Variants in RPE observed in about 807,000 individuals in gnomAD.
The protein encoded by RPE is ribulose-5-phosphate-3-epimerase, also known as ribulose-phosphate 3-epimerase.
RPE carries 16 observed loss-of-function variants against 24.6 expected under a neutral mutation model. That is an observed-to-expected ratio of 0.65 (90% CI 0.44 to 0.99). The LOEUF (loss-of-function observed/expected upper bound fraction) is 0.99, where lower values mean the gene tolerates loss of function less well. RPE is among the 50% of genes least tolerant of loss of function. RPE has a pLI of 0.00. For synonymous variants in RPE, 93 were observed against 98.4 expected (o/e 0.94, Z 0.33); for missense variants, 240 against 294.5 (o/e 0.81, Z 1.35).
chr2:210,007,965 C>T (rs1462172822), intron 1 of RPE, among the ~76,000 whole-genome samples: 1 of 152,158 alleles, frequency 6.6e-6, no homozygotes, highest in Non-Finnish European at 1.5e-5. Context: ...TCTCCTTAAC[C>T]TTCTGAGCTC....
Position 210,007,577 on chromosome 2 carries a change from A to T in RPE, c.123-2080A>T, listed in dbSNP as rs549314668. Reference sequence around the variant, plus strand: ...TTTTTACACTAGCCAAAGTTGGTCAATACCACTCTCCACGTCTTTGACTGT... The same window carrying T: ...TTTTTACACTAGCCAAAGTTGGTCATTACCACTCTCCACGTCTTTGACTGT... On this transcript the variant is annotated intron_variant, in intron 1 of 5. Coordinates refer to ENST00000359429, the MANE Select transcript of RPE (RefSeq NM_199229.3). Among the ~76,000 whole-genome samples, 13 of 152,326 alleles carry T rather than the reference A, an allele frequency of 8.5e-5. No individual in the cohort carries two copies. In the South Asian group the frequency reaches 2.7e-3, roughly 32 times the overall value.
At chr2:210,018,536 TA>T in intron 5 of RPE, 1 of 985,248 alleles carries the variant, frequency 1.0e-6, no homozygotes, top group Non-Finnish European at 1.2e-6. Context: ...CAGGTTCTTG[TA>T]TAACTGCCAC....
chr2:210,016,315 CT>C, intron 3 of RPE, 191 bp from the exon 4 acceptor site: 1 of 1,594,850 alleles, frequency 6.3e-7, no homozygotes, highest in East Asian at 2.2e-5. Flanking sequence ...GATTTAACTT[CT>C]TTGTCACATA....
At chr2:210,008,214 C>T (rs147364983) in intron 1 of RPE, among the ~76,000 whole-genome samples, 10 of 151,878 alleles carry the variant, frequency 6.6e-5, no homozygotes, top group African/African-American at 1.9e-4. Flanking sequence ...GGAACTGTAG[C>T]GTATTTCCTT....
chr2:210,016,187 C>G (rs976081624), intron 3 of RPE, 75 bp downstream of exon 3: 1 of 1,613,640 alleles, frequency 6.2e-7, no homozygotes, highest in Admixed American at 1.7e-5. Flanking sequence ...AGGAAATTTT[C>G]TCTTTTTTTG....
At chr2:210,010,373 C>T (rs1442769175) in intron 2 of RPE, among the ~76,000 whole-genome samples, 1 of 152,144 alleles carries the variant, frequency 6.6e-6, no homozygotes, top group African/African-American at 2.4e-5. Flanking sequence ...TCTCACCTGC[C>T]AGATCTCTTA....
intron 1 of RPE, among the ~76,000 whole-genome samples, chr2:210,006,268 G>A (rs1219650103): frequency 6.6e-6 from 1 of 152,160 alleles, no homozygotes; most frequent in East Asian, 1.9e-4. Flanking sequence ...GGTCCTCTTT[G>A]GAGTCAGTAG....
chr2:210,009,622 A>G, intron 1 of RPE, 35 bp from the exon 2 acceptor site: 1 of 1,613,672 alleles, frequency 6.2e-7, no homozygotes, highest in East Asian at 2.2e-5. Context: ...ACTGAATTGA[A>G]AACATTTTCA....
intron 4 of RPE, 71 bp downstream of exon 4, chr2:210,016,712 C>G: frequency 6.2e-7 from 1 of 1,601,356 alleles, no homozygotes; most frequent in Non-Finnish European, 8.5e-7. Context: ...TATTGAAAGG[C>G]TTGTATATTT....
rs1344474904 is a variant in RPE at position 210,018,346 on chromosome 2, AG to A, written c.564+789del. ...CTAGAACCATTTTTGATGAAAATCT[AG>A]GCCTGATACCTCTTTGGCTATCTGT... On this transcript the variant is annotated intron_variant, in intron 5 of 5. Coordinates refer to ENST00000359429, the MANE Select transcript of RPE (RefSeq NM_199229.3). 5 of 1,409,514 alleles carry A rather than the reference AG, an allele frequency of 3.5e-6. No individual in the cohort carries two copies. In the East Asian group the frequency reaches 1.3e-4, roughly 38 times the overall value. 87.3% of individuals were successfully genotyped at this position (1,409,514 alleles called of 1,614,324 possible).
intron 2 of RPE, among the ~76,000 whole-genome samples, chr2:210,010,002 C>T (rs189661441): frequency 6.6e-6 from 1 of 152,162 alleles, no homozygotes; most frequent in Non-Finnish European, 1.5e-5. Flanking sequence ...CCTTTTTGAG[C>T]GTCCTCTCCC....
At chr2:210,014,099 G>GT (rs370654097) in intron 2 of RPE, among the ~76,000 whole-genome samples, 5,045 of 147,446 alleles carry the variant, frequency 0.034, 283 homozygotes, top group African/African-American at 0.12. Context: ...TTTGTTTTTT[G>GT]TTTTTTTTTT....
intron 2 of RPE, among the ~76,000 whole-genome samples, chr2:210,011,383 G>A (rs998333807): frequency 6.6e-6 from 1 of 152,122 alleles, no homozygotes; most frequent in Admixed American, 6.5e-5. Flanking sequence ...TGGCTTGCTT[G>A]TGTGAATTTT....
At chr2:210,014,333 C>T (rs1463223851) in intron 2 of RPE, among the ~76,000 whole-genome samples, 2 of 152,146 alleles carry the variant, frequency 1.3e-5, no homozygotes, top group African/African-American at 4.8e-5. Flanking sequence ...TCGTGATCCA[C>T]CCGCCTTGGC....
chr2:210,010,466 G>A (rs972863506), intron 2 of RPE, among the ~76,000 whole-genome samples: 12 of 151,814 alleles, frequency 7.9e-5, no homozygotes, highest in Non-Finnish European at 1.8e-4. Flanking sequence ...GTTTCGCCAT[G>A]TTTCCCGGGC....
chr2:210,008,822 A>G (rs1431472687), intron 1 of RPE, among the ~76,000 whole-genome samples: 1 of 151,946 alleles, frequency 6.6e-6, no homozygotes, highest in Non-Finnish European at 1.5e-5. Context: ...CAGCCTGCCT[A>G]GAAGCTGGGA....
Position 210,016,110 on chromosome 2 carries a change from A to T in RPE, c.340A>T (p.Lys114Ter). The T allele has an allele frequency of 6.2e-7, 1 of 1,614,218 alleles. No individual in the cohort carries two copies. The highest frequency in any genetic ancestry group is 8.5e-7 in the Non-Finnish European group (1 of 1,180,038). The change falls in exon 3 of 6, where the codon AAG becomes TAG. Residue 114 changes from lysine (K) to a stop codon, truncating the protein, a stop_gained and splice_region_variant. Coordinates refer to ENST00000359429, the MANE Select transcript of RPE (RefSeq NM_199229.3). LOFTEE classifies it high-confidence loss of function. ...TAAAGACATTCGGGAGAATGGGATG[A>T]AGGTAAGAAATCGTGATGAGAGTGT... is the stretch of plus-strand genomic sequence containing the variant. Reference protein sequence around the residue: ...LIKDIRENGMKVGLAIKPGTS... With the variant: ...LIKDIRENGM
rs2093767400 is a variant in RPE, at chr2:210,016,078, C to G, written c.308C>G (p.Ala103Gly). 4 of 1,614,034 alleles carry G rather than the reference C, an allele frequency of 2.5e-6. No homozygotes were observed. The Admixed American group carries it at 6.7e-5, about 27-fold the overall frequency. ...CTCGAGGCTACTGAGAACCCAGGGG[C>G]TTTGATTAAAGACATTCGGGAGAAT... Reference protein sequence around the residue: ...FHLEATENPGALIKDIRENGM... With the variant: ...FHLEATENPGGLIKDIRENGM... The change falls in exon 3 of 6, where the codon GCT (alanine) becomes GGT (glycine). Residue 103 changes from alanine (A) to glycine (G), a missense_variant. By Grantham distance (60) the Ala-to-Gly change is moderately conservative. Transcript: ENST00000359429.
intron 1 of RPE, among the ~76,000 whole-genome samples, chr2:210,006,033 T>C (rs1377708764): frequency 6.6e-6 from 1 of 152,168 alleles, no homozygotes; most frequent in Non-Finnish European, 1.5e-5. Context: ...AAAATTATAG[T>C]GTAATTCCAG....
Sources: allele counts gnomAD v4.1 joint callset (sites outside exome capture counted in the v4.1 genomes callset), GRCh38; gene constraint gnomAD v4.1.1; transcripts MANE v1.5; gene names NCBI Gene and HGNC (gene_info 2026-07-23, HGNC 2026-07-21).